Variants in WWOX observed in about 807,000 individuals in gnomAD.
The protein encoded by WWOX is WW domain-containing oxidoreductase.
A neutral mutation model predicts 46.2 loss-of-function variants in WWOX; 69 were observed. That is an observed-to-expected ratio of 1.49 (90% CI 1.23 to 1.82). WWOX has a LOEUF of 1.82. Among genes scored for constraint, WWOX ranks in the 40% most tolerant of loss-of-function variants. WWOX has a pLI of 0.00. For synonymous variants in WWOX, 359 were observed against 202.6 expected (o/e 1.77, Z -6.56); for missense variants, 919 against 542.6 (o/e 1.69, Z -6.89).
chr16:78,649,600 C>G (rs1023983493), intron 8 of WWOX, among the ~76,000 whole-genome samples: 19 of 152,314 alleles, frequency 1.2e-4, no homozygotes, highest in African/African-American at 4.6e-4. Flanking sequence ...TTAATACATA[C>G]CATGACCTTG....
chr16:78,365,421 T>G (rs575124222), intron 5 of WWOX, among the ~76,000 whole-genome samples: 1 of 152,206 alleles, frequency 6.6e-6, no homozygotes, highest in African/African-American at 2.4e-5. Context: ...CTAGGGTTCT[T>G]GGCACACAGA....
chr16:78,532,634 C>T (rs182798621), intron 8 of WWOX, among the ~76,000 whole-genome samples: 1 of 152,138 alleles, frequency 6.6e-6, no homozygotes, highest in African/African-American at 2.4e-5. Flanking sequence ...ATTGGACTTA[C>T]AGTTCCTTGT....
At chr16:78,978,738 C>G (rs1052839605) in intron 8 of WWOX, among the ~76,000 whole-genome samples, 7 of 152,180 alleles carry the variant, frequency 4.6e-5, no homozygotes, top group African/African-American at 1.7e-4. Context: ...TTTTCAACCA[C>G]CGAATCGCAT....
In WWOX at chr16:78,705,653, C is replaced by T. The variant is rs184332475; in HGVS notation, c.1056+272901C>T. Among the ~76,000 whole-genome samples the T allele has an allele frequency of 7.2e-5, 11 of 152,312 alleles. No homozygotes were observed. The East Asian group carries it at 1.9e-3, about 27-fold the overall frequency. ...AAAGCTGATGTTGTAGCTGTATGAT[C>T]ACCCATGTAAAACTGTTTATTTAGT... On this transcript the variant is annotated intron_variant, in intron 8 of 8. Coordinates refer to ENST00000566780, the MANE Select transcript of WWOX (RefSeq NM_016373.4).
At chr16:79,004,341 A>G (rs1006198157) in intron 8 of WWOX, 2 of 152,236 alleles carry the variant, frequency 1.3e-5, no homozygotes, top group Non-Finnish European at 2.9e-5. Flanking sequence ...TTCCTGGGAT[A>G]ACAGAGAATC....
intron 8 of WWOX, among the ~76,000 whole-genome samples, chr16:78,562,868 G>T (rs933590875): frequency 6.6e-6 from 1 of 152,156 alleles, no homozygotes; most frequent in Non-Finnish European, 1.5e-5. Flanking sequence ...GCTGAGCGAC[G>T]TCGGAGCTCC....
At chr16:79,203,017 C>G (rs2051393179) in intron 8 of WWOX, 1 of 152,176 alleles carries the variant, frequency 6.6e-6, no homozygotes, top group South Asian at 2.1e-4. Flanking sequence ...CTATTGGCAT[C>G]AAGTGCTTTA....
intron 8 of WWOX, among the ~76,000 whole-genome samples, chr16:78,489,749 C>CA (rs1456452496): frequency 6.6e-6 from 1 of 152,026 alleles, no homozygotes; most frequent in African/African-American, 2.4e-5. Context: ...TGGGATGGCT[C>CA]AAGGGGAGTT....
chr16:78,756,969 C>G (rs1249107187), intron 8 of WWOX: 2 of 702,846 alleles, frequency 2.8e-6, no homozygotes, highest in Non-Finnish European at 2.6e-6. Context: ...TGGGAGGATA[C>G]TCAAGCATAC....
chr16:78,550,160 A>T (rs912090489), intron 8 of WWOX, among the ~76,000 whole-genome samples: 2 of 152,216 alleles, frequency 1.3e-5, no homozygotes, highest in Admixed American at 6.5e-5. Context: ...ACCCAAATTA[A>T]TAATTCCTTA....
intron 8 of WWOX, among the ~76,000 whole-genome samples, chr16:79,107,422 T>G (rs1245754929): frequency 6.6e-6 from 1 of 152,234 alleles, no homozygotes; most frequent in Non-Finnish European, 1.5e-5. Context: ...TTTGTTCTCA[T>G]CCTTGCTGTT....
At chr16:78,528,626 C>G (rs919784896) in intron 8 of WWOX, among the ~76,000 whole-genome samples, 1 of 152,148 alleles carries the variant, frequency 6.6e-6, no homozygotes. Flanking sequence ...TTATCTCAGG[C>G]TTAATGCTTT....
At chr16:78,996,302 C>G (rs2046986214) in intron 8 of WWOX, 1 of 983,966 alleles carries the variant, frequency 1.0e-6, no homozygotes, top group African/African-American at 1.8e-5. Flanking sequence ...TGGATCTTGC[C>G]TTGTGGATGT....
intron 7 of WWOX, among the ~76,000 whole-genome samples, chr16:78,426,884 G>A (rs951996965): frequency 6.8e-4 from 103 of 152,130 alleles, no homozygotes; most frequent in African/African-American, 2.5e-3. Flanking sequence ...GGATGGTCTC[G>A]ATCTCTTGAC....
At chr16:78,353,680 C>T (rs906834376) in intron 5 of WWOX, among the ~76,000 whole-genome samples, 1 of 152,218 alleles carries the variant, frequency 6.6e-6, no homozygotes, top group African/African-American at 2.4e-5. Context: ...GTAACTCTGT[C>T]CTGAAGAACT....
At chr16:78,871,159 C>G (rs1029113029) in intron 8 of WWOX, among the ~76,000 whole-genome samples, 4 of 148,384 alleles carry the variant, frequency 2.7e-5, no homozygotes, top group African/African-American at 7.5e-5. Context: ...TAATTCCCAA[C>G]TTTCGTGAAG....
At chr16:78,682,064 G>A (rs964179093) in intron 8 of WWOX, among the ~76,000 whole-genome samples, 2 of 152,178 alleles carry the variant, frequency 1.3e-5, no homozygotes, top group South Asian at 2.1e-4. Flanking sequence ...TGACTGTGAC[G>A]ACTGAGAAAA....
At chr16:78,908,748 G>A (rs771626654) in intron 8 of WWOX, among the ~76,000 whole-genome samples, 1 of 152,148 alleles carries the variant, frequency 6.6e-6, no homozygotes, top group East Asian at 1.9e-4. Flanking sequence ...CACTGAGTCA[G>A]TTCCTGGGTG....
intron 5 of WWOX, among the ~76,000 whole-genome samples, chr16:78,313,425 G>A (rs1337253013): frequency 2.6e-5 from 4 of 152,144 alleles, no homozygotes; most frequent in Non-Finnish European, 5.9e-5. Flanking sequence ...GGAGTACAGT[G>A]GTACGATCTT....
Sources: gnomAD v4.1 joint callset for allele counts (sites outside exome capture counted in the v4.1 genomes callset) on GRCh38, gnomAD v4.1.1 for gene constraint, MANE v1.5 for transcripts, NCBI Gene and HGNC (gene_info 2026-07-23, HGNC 2026-07-21) for gene names.